COL22A1: variants seen among roughly 807,000 people sequenced by gnomAD.
COL22A1 encodes collagen type XXII alpha 1 chain, also known as collagen alpha-1(XXII) chain.
In COL22A1, 221 loss-of-function variants were observed where a neutral mutation model predicts 248.9. That is an observed-to-expected ratio of 0.89 (90% confidence interval 0.80 to 0.99). The LOEUF (loss-of-function observed/expected upper bound fraction) is 0.99. COL22A1 is among the 50% of genes least tolerant of loss of function. The pLI, the probability that COL22A1 is intolerant of heterozygous loss-of-function variation, is 0.00. For synonymous variants in COL22A1, 891 were observed against 793.4 expected (o/e 1.12, Z -2.07); for missense variants, 2,240 against 2,179.0 (o/e 1.03, Z -0.56).
At chr8:138,648,778 A>C (rs1386875528) in intron 46 of COL22A1, among the ~76,000 whole-genome samples, 2 of 152,232 alleles carry the variant, frequency 1.3e-5, no homozygotes, top group Non-Finnish European at 2.9e-5. Flanking sequence ...AAAGCCAATT[A>C]GCTAAGACGG....
intron 22 of COL22A1, among the ~76,000 whole-genome samples, chr8:138,743,831 C>T (rs932374366): frequency 2.6e-5 from 4 of 152,086 alleles, no homozygotes; most frequent in African/African-American, 7.2e-5. Context: ...TCCAAGGTTG[C>T]CTGTCTGCCC....
chr8:138,878,368 A>G (rs1158748890), intron 2 of COL22A1, 52 bp from the exon 3 acceptor site: 1 of 1,417,296 alleles, frequency 7.1e-7, no homozygotes, highest in Non-Finnish European at 9.5e-7. Context: ...TGGAAAGGAC[A>G]CTGTCCTGGG....
chr8:138,841,187 C>G (rs917503407), intron 4 of COL22A1, among the ~76,000 whole-genome samples: 1 of 152,158 alleles, frequency 6.6e-6, no homozygotes, highest in Admixed American at 6.5e-5. Flanking sequence ...ATTCATATAT[C>G]CATCCATTCA....
intron 16 of COL22A1, among the ~76,000 whole-genome samples, chr8:138,764,211 C>G (rs1353963543): frequency 4.6e-5 from 7 of 152,186 alleles, no homozygotes; most frequent in Non-Finnish European, 7.3e-5. Context: ...TGATTCTATT[C>G]ACTGCCGCTC....
At chr8:138,699,346 T>C (rs1442495041) in intron 32 of COL22A1, among the ~76,000 whole-genome samples, 2 of 152,206 alleles carry the variant, frequency 1.3e-5, no homozygotes, top group Non-Finnish European at 2.9e-5. Flanking sequence ...ATCGACTTAA[T>C]ATTGAATAAA....
At chr8:138,868,019 T>C (rs1823034838) in intron 3 of COL22A1, among the ~76,000 whole-genome samples, 1 of 152,136 alleles carries the variant, frequency 6.6e-6, no homozygotes, top group Non-Finnish European at 1.5e-5. Flanking sequence ...CACCTTAGCC[T>C]CCCAAAGTGC....
At chr8:138,765,894 C>T (rs945945836) in intron 16 of COL22A1, among the ~76,000 whole-genome samples, 4 of 152,188 alleles carry the variant, frequency 2.6e-5, no homozygotes, top group African/African-American at 7.2e-5. Context: ...ACCGAGCAGA[C>T]AGTGTGAGAG....
Position 138,637,038 on chromosome 8 carries a change from C to T in COL22A1, c.3502-243G>A, listed in dbSNP as rs139606244. Among the ~76,000 whole-genome samples the T allele has an allele frequency of 3.6e-3, 554 of 151,948 alleles. 3 individuals are homozygous for T. Among genetic ancestry groups the T allele is most frequent in the Non-Finnish European group, 6.0e-3 (410 of 67,950 alleles). Reference sequence around the variant, plus strand: ...TGGAGAGCGGGCAGCAGGAAAGGGGCCAGGGAGGCAGGCAGGGCTCATTTC... The same window carrying T: ...TGGAGAGCGGGCAGCAGGAAAGGGGTCAGGGAGGCAGGCAGGGCTCATTTC... On this transcript the variant is annotated intron_variant, in intron 47 of 64. Coordinates refer to ENST00000303045, the MANE Select transcript of COL22A1 (RefSeq NM_152888.3).
intron 3 of COL22A1, among the ~76,000 whole-genome samples, chr8:138,865,649 G>T (rs898231518): frequency 7.3e-5 from 11 of 151,250 alleles, no homozygotes; most frequent in African/African-American, 2.7e-4. Flanking sequence ...GTATGCTGGT[G>T]TGTGAGTGTG....
At chr8:138,680,467 T>C (rs1825873846) in intron 39 of COL22A1, among the ~76,000 whole-genome samples, 1 of 152,196 alleles carries the variant, frequency 6.6e-6, no homozygotes, top group Non-Finnish European at 1.5e-5. Context: ...CTTATCCTGC[T>C]AGAAACAAGT....
intron 44 of COL22A1, among the ~76,000 whole-genome samples, chr8:138,659,065 T>C (rs1301313860): frequency 1.3e-5 from 2 of 152,180 alleles, no homozygotes; most frequent in Non-Finnish European, 2.9e-5. Flanking sequence ...ACTTCTGGCC[T>C]GAACCTCACT....
At position 138,757,896 on chromosome 8, in the gene COL22A1, C is replaced by T. The variant is rs192992437; in HGVS notation, c.1903-2067G>A. 5.0e-3 allele frequency among the ~76,000 whole-genome samples: 760 copies of T among 152,336 alleles called. 5 individuals are homozygous for T. Among genetic ancestry groups the T allele is most frequent in the African/African-American group, 0.016 (679 of 41,580 alleles). ...GTGGCCCGTCTCCACGACGGTCCCC[C>T]GTAGTCCCTGCTTCCTGCATGCAAC... On this transcript the variant is annotated intron_variant, in intron 18 of 64. Coordinates refer to ENST00000303045, the MANE Select transcript of COL22A1 (RefSeq NM_152888.3).
intron 41 of COL22A1, 80 bp downstream of exon 41, chr8:138,676,478 G>GAAAGAAAGGAAGGAAGAAAGAAAGAAAGA: frequency 6.0e-5 from 24 of 397,758 alleles, no homozygotes; most frequent in Admixed American, 1.6e-4. Flanking sequence ...AGAAAGAAAA[G>GAAAGAAAGGAAGGAAGAAAGAAAGAAAGA]AGTGTTTCTG....
intron 4 of COL22A1, 33 bp from the exon 5 acceptor site, chr8:138,833,183 G>A (rs371691904): frequency 4.2e-6 from 6 of 1,443,030 alleles, no homozygotes; most frequent in Admixed American, 1.7e-5. Context: ...AGTGAGTTTG[G>A]AGAAGGAAGA....
At chr8:138,614,499 A>G (rs895388921) in intron 55 of COL22A1, among the ~76,000 whole-genome samples, 32 of 152,236 alleles carry the variant, frequency 2.1e-4, no homozygotes, top group African/African-American at 7.5e-4. Context: ...TTTTTAAAAT[A>G]AAAGTCAAAT....
At chr8:138,606,586 G>A (rs184184643) in intron 57 of COL22A1, 134 bp from the exon 58 acceptor site, 4 of 851,750 alleles carry the variant, frequency 4.7e-6, no homozygotes, top group Admixed American at 4.5e-5. Flanking sequence ...CATGATGGAG[G>A]GGCATGGGTT....
rs1386767224 is a variant in COL22A1, at chr8:138,755,090, G to A, written c.2031+67C>T. ...CATGCTCAGCGCCGGGAATGACTCT[G>A]ATCTTCCAAACCCATTGGTAAGAGA... On this transcript the variant is annotated intron_variant, in intron 21 of 64. Transcript: ENST00000303045. The A allele has an allele frequency of 1.1e-5, 16 of 1,500,060 alleles. 1 individual carries two copies. Among genetic ancestry groups the A allele is most frequent in the African/African-American group, 1.4e-5 (1 of 72,358 alleles). 92.9% of individuals were successfully genotyped at this position (1,500,060 alleles called of 1,614,324 possible). A position where few individuals can be genotyped will look rare whatever the true frequency, so the allele number is the denominator to read the frequency against.
chr8:138,878,466 G>GGCCTGA lies in COL22A1; in HGVS notation c.92-156_92-151dup, dbSNP rs539182475. 5.0e-4 allele frequency: 314 copies of GGCCTGA among 623,384 alleles called. No individual in the cohort carries two copies. In the African/African-American group the frequency reaches 5.7e-3, roughly 11 times the overall value. The allele number at this position is 623,384 out of a possible 1,614,324, so 38.6% of individuals were successfully genotyped here. ...CCCAAGGGCCCTGGGCTGCCTGAAAGGCCTGAGCCTCAGTTTCCACACCTT... is the reference window on the plus strand; with the variant it reads ...CCCAAGGGCCCTGGGCTGCCTGAAAGGCCTGAGCCTGAGCCTCAGTTTCCACACCTT... On this transcript the variant is annotated intron_variant, in intron 2 of 64. Transcript: ENST00000303045.
chr8:138,649,546 T>C, intron 46 of COL22A1, 119 bp downstream of exon 46: 1 of 1,498,034 alleles, frequency 6.7e-7, no homozygotes, highest in Non-Finnish European at 8.9e-7. Flanking sequence ...CTCATCTATC[T>C]TGAATCTTGA....
Sources: allele counts gnomAD v4.1 joint callset (sites outside exome capture counted in the v4.1 genomes callset), GRCh38; gene constraint gnomAD v4.1.1; transcripts MANE v1.5; gene names NCBI Gene and HGNC (gene_info 2026-07-23, HGNC 2026-07-21).